The following WWOX variants were observed in gnomAD, a reference collection of about 807,000 sequenced individuals.
WWOX encodes WW domain-containing oxidoreductase.
WWOX carries 69 observed loss-of-function variants against 46.2 expected under a neutral mutation model. The observed-to-expected ratio is 1.49, with a 90% CI of 1.23 to 1.82. The LOEUF (loss-of-function observed/expected upper bound fraction) is 1.82. Among genes scored for constraint, WWOX ranks in the 40% most tolerant of loss-of-function variants. The pLI is 0.00. For missense variants in WWOX, 919 were observed against 542.6 expected (o/e 1.69, Z -6.89); for synonymous variants, 359 against 202.6 (o/e 1.77, Z -6.56).
chr16:79,020,757 G>A (rs1336807189), intron 8 of WWOX, among the ~76,000 whole-genome samples: 1 of 152,178 alleles, frequency 6.6e-6, no homozygotes, highest in Non-Finnish European at 1.5e-5. Flanking sequence ...CACGCATGCA[G>A]CTTCCCACAC....
intron 8 of WWOX, among the ~76,000 whole-genome samples, chr16:79,134,105 A>G (rs1283263374): frequency 6.6e-6 from 1 of 152,216 alleles, no homozygotes; most frequent in East Asian, 1.9e-4. Flanking sequence ...TTTTTTAAAA[A>G]TATGCTGATC....
chr16:78,531,390 G>T (rs1175872991), intron 8 of WWOX, among the ~76,000 whole-genome samples: 1 of 152,160 alleles, frequency 6.6e-6, no homozygotes, highest in Non-Finnish European at 1.5e-5. Flanking sequence ...TGGTTGAATT[G>T]TGCACCCTGT....
At chr16:79,048,723 C>T (rs2048111505) in intron 8 of WWOX, among the ~76,000 whole-genome samples, 1 of 152,120 alleles carries the variant, frequency 6.6e-6, no homozygotes, top group Non-Finnish European at 1.5e-5. Context: ...ATTGTCTTGC[C>T]TGCAGCAGAT....
chr16:78,277,332 T>C lies in WWOX; in HGVS notation c.517-109528T>C, dbSNP rs529061262. Among the ~76,000 whole-genome samples, 366 of 152,294 alleles carry C rather than the reference T, an allele frequency of 2.4e-3. 1 individual carries two copies. Among genetic ancestry groups the C allele is most frequent in the Middle Eastern group, 0.017 (5 of 294 alleles). On this transcript the variant is annotated intron_variant, in intron 5 of 8. Transcript: ENST00000566780. ...GGATGAACGACTCTCTATAAAATGA[T>C]GTCAGGATCCTTTCTTTCCTGCCCA...
At chr16:78,667,917 C>G (rs1370602343) in intron 8 of WWOX, among the ~76,000 whole-genome samples, 1 of 152,124 alleles carries the variant, frequency 6.6e-6, no homozygotes, top group Non-Finnish European at 1.5e-5. Flanking sequence ...GATGTGCCCT[C>G]TGCCCCGTCA....
In WWOX at chr16:78,545,066, C is replaced by G. The variant is rs138992521; in HGVS notation, c.1056+112314C>G. 5.6e-3 allele frequency among the ~76,000 whole-genome samples: 847 copies of G among 152,172 alleles called. 11 individuals carry two copies. The highest frequency in any genetic ancestry group is 0.02 in the African/African-American group (817 of 41,532). On this transcript the variant is annotated intron_variant, in intron 8 of 8. Coordinates refer to ENST00000566780, the MANE Select transcript of WWOX (RefSeq NM_016373.4). ...GAGATTATTTCTAGAATAAGCAAACCAAACGTGAATTAAGTTTTCATTCTC... is the reference window on the plus strand; with the variant it reads ...GAGATTATTTCTAGAATAAGCAAACGAAACGTGAATTAAGTTTTCATTCTC...
At chr16:78,329,817 G>A (rs1350246273) in intron 5 of WWOX, among the ~76,000 whole-genome samples, 1 of 150,116 alleles carries the variant, frequency 6.7e-6, no homozygotes, top group Non-Finnish European at 1.5e-5. Context: ...TAGAATCATA[G>A]CTCACTGCAG....
intron 8 of WWOX, among the ~76,000 whole-genome samples, chr16:79,058,418 C>G (rs1313941961): frequency 6.7e-6 from 1 of 150,300 alleles, no homozygotes; most frequent in African/African-American, 2.5e-5. Context: ...ATTGTTGTTA[C>G]CATTTATTGA....
At chr16:78,693,187 T>A (rs898934032) in intron 8 of WWOX, among the ~76,000 whole-genome samples, 2 of 152,210 alleles carry the variant, frequency 1.3e-5, no homozygotes, top group African/African-American at 2.4e-5. Context: ...CTTGTTCAAC[T>A]CAGATATTGA....
In WWOX at chr16:78,339,604, A is replaced by G. The variant is rs2080968717; in HGVS notation, c.517-47256A>G. On this transcript the variant is annotated intron_variant, in intron 5 of 8. Transcript: ENST00000566780. Reference sequence around the variant, plus strand: ...CATGTCTTGTAGTAGCTTTCTGAAAAAGGATGATAGAATATGTGTGTGTGT... The same window carrying G: ...CATGTCTTGTAGTAGCTTTCTGAAAGAGGATGATAGAATATGTGTGTGTGT... Among the ~76,000 whole-genome samples the G allele has an allele frequency of 1.7e-5, 2 of 119,878 alleles. 1 individual carries two copies. The highest frequency in any genetic ancestry group is 1.6e-4 in the Admixed American group (2 of 12,216). 78.6% of individuals were successfully genotyped at this position (119,878 alleles called of 152,430 possible).
intron 4 of WWOX, among the ~76,000 whole-genome samples, chr16:78,144,516 TATATA>T (rs1267133763): frequency 1.4e-4 from 6 of 42,924 alleles, no homozygotes; most frequent in Admixed American, 1.1e-3. Context: ...TATATATATA[TATATA>T]TATTTTTTTT....
In WWOX at chr16:79,173,968, C is replaced by T. The variant is rs190208366; in HGVS notation, c.1057-37640C>T. Reference sequence around the variant, plus strand: ...GCCTTTAGAATTTGAAAATGTCTAACTTAAAATGCCTCCCTAGTGAAATCT... The same window carrying T: ...GCCTTTAGAATTTGAAAATGTCTAATTTAAAATGCCTCCCTAGTGAAATCT... On this transcript the variant is annotated intron_variant, in intron 8 of 8. Transcript: ENST00000566780. 3.4e-3 allele frequency among the ~76,000 whole-genome samples: 523 copies of T among 152,270 alleles called. 3 individuals carry two copies. Among genetic ancestry groups the T allele is most frequent in the Non-Finnish European group, 6.0e-3 (410 of 68,022 alleles).
intron 5 of WWOX, among the ~76,000 whole-genome samples, chr16:78,257,404 T>G (rs1251326332): frequency 1.3e-5 from 2 of 152,172 alleles, no homozygotes; most frequent in Non-Finnish European, 2.9e-5. Context: ...GGAATGCCAT[T>G]TGACAGTTAC....
At chr16:78,240,146 A>T (rs1267478748) in intron 5 of WWOX, among the ~76,000 whole-genome samples, 1 of 152,132 alleles carries the variant, frequency 6.6e-6, no homozygotes, top group South Asian at 2.1e-4. Flanking sequence ...TTCAGGCTTT[A>T]GAGTGGGCCC....
In WWOX at chr16:78,268,910, A is replaced by G. The variant is rs528129257; in HGVS notation, c.516+104621A>G. 2.0e-5 allele frequency among the ~76,000 whole-genome samples: 3 copies of G among 152,232 alleles called. No individual in the cohort carries two copies. In the East Asian group the frequency reaches 5.8e-4, roughly 29 times the overall value. On this transcript the variant is annotated intron_variant, in intron 5 of 8. Coordinates refer to ENST00000566780, the MANE Select transcript of WWOX (RefSeq NM_016373.4). ...AAAACCCTTTCTATTCCTTCATCTA[A>G]TTCTATCCCTCTGAGGCAACCATGA...
intron 8 of WWOX, among the ~76,000 whole-genome samples, chr16:78,578,764 G>A (rs745498087): frequency 6.6e-6 from 1 of 152,044 alleles, no homozygotes; most frequent in Non-Finnish European, 1.5e-5. Flanking sequence ...GAATACAACC[G>A]CATGGTTTTC....
At chr16:78,626,404 G>A (rs1429861720) in intron 8 of WWOX, among the ~76,000 whole-genome samples, 2 of 152,178 alleles carry the variant, frequency 1.3e-5, no homozygotes, top group Non-Finnish European at 1.5e-5. Context: ...CAGCTTTGAG[G>A]AGTGCTGGTT....
At chr16:78,361,473 C>G (rs779318197) in intron 5 of WWOX, among the ~76,000 whole-genome samples, 2 of 152,150 alleles carry the variant, frequency 1.3e-5, no homozygotes, top group Non-Finnish European at 2.9e-5. Flanking sequence ...TGCTGACTTT[C>G]TATTGTTGGA....
intron 8 of WWOX, among the ~76,000 whole-genome samples, chr16:79,137,915 T>A (rs2050014387): frequency 6.6e-6 from 1 of 151,138 alleles, no homozygotes; most frequent in South Asian, 2.1e-4. Flanking sequence ...AAGTACAACA[T>A]CAGAGGAAGA....
Sources: gnomAD v4.1 joint callset for allele counts (sites outside exome capture counted in the v4.1 genomes callset) on GRCh38, gnomAD v4.1.1 for gene constraint, MANE v1.5 for transcripts, NCBI Gene and HGNC (gene_info 2026-07-23, HGNC 2026-07-21) for gene names.